Variants in DYSF observed in about 807,000 individuals in gnomAD.
DYSF encodes dystrophy-associated fer-1-like 1.
Under a neutral mutation model 274.9 loss-of-function variants are expected in DYSF, and 212 were observed. The ratio of observed to expected loss-of-function variants is 0.77; its 90% CI spans 0.69 to 0.86. The LOEUF is 0.86. DYSF is among the 40% of genes least tolerant of loss of function. The pLI is 0.00. For synonymous variants in DYSF, 1,091 were observed against 1,078.7 expected (o/e 1.01, Z -0.22); for missense variants, 2,666 against 2,783.2 (o/e 0.96, Z 0.95).
At chr2:71,654,317 A>G (rs1249167468) in intron 42 of DYSF, among the ~76,000 whole-genome samples, 1 of 152,224 alleles carries the variant, frequency 6.6e-6, no homozygotes, top group African/African-American at 2.4e-5. Flanking sequence ...ATATAAATCC[A>G]TACAATTTTT....
intron 3 of DYSF, among the ~76,000 whole-genome samples, chr2:71,501,947 G>C (rs762093374): frequency 6.6e-6 from 1 of 152,112 alleles, no homozygotes; most frequent in Non-Finnish European, 1.5e-5. Context: ...GCTAATTCTA[G>C]GTTTAATTTT....
intron 21 of DYSF, 135 bp from the exon 22 acceptor site, chr2:71,555,830 C>T: frequency 2.7e-6 from 2 of 746,970 alleles, no homozygotes. Context: ...TTTGTTGGGC[C>T]TGGACTCTGC....
At chr2:71,478,273 G>T (rs1181123056) in intron 1 of DYSF, among the ~76,000 whole-genome samples, 1 of 149,876 alleles carries the variant, frequency 6.7e-6, no homozygotes, top group Non-Finnish European at 1.5e-5. Context: ...GTGCAGTGGT[G>T]CCATCTCGGC....
intron 5 of DYSF, among the ~76,000 whole-genome samples, chr2:71,512,362 G>GT (rs1346472978): frequency 6.6e-6 from 1 of 152,290 alleles, no homozygotes; most frequent in South Asian, 2.1e-4. Context: ...AAAAGAACTA[G>GT]TTTTTTTTCT....
intron 41 of DYSF, 118 bp downstream of exon 41, chr2:71,620,727 G>C: frequency 1.8e-6 from 2 of 1,112,498 alleles, no homozygotes; most frequent in Non-Finnish European, 1.3e-6. Flanking sequence ...TATTTCCTGA[G>C]CCCTAGCAGG....
intron 17 of DYSF, among the ~76,000 whole-genome samples, chr2:71,546,080 C>T (rs1046094492): frequency 1.1e-4 from 16 of 152,364 alleles, no homozygotes; most frequent in East Asian, 3.9e-4. Flanking sequence ...TGATGACTCT[C>T]GGACTCTGCC....
intron 3 of DYSF, among the ~76,000 whole-genome samples, chr2:71,483,686 T>C (rs548572335): frequency 6.6e-6 from 1 of 152,306 alleles, no homozygotes; most frequent in Admixed American, 6.5e-5. Flanking sequence ...ACAAGACCTT[T>C]TCCCATCAGT....
At position 71,593,426 on chromosome 2, in the gene DYSF, C is replaced by T. The variant is rs114559487; in HGVS notation, c.3574+3138C>T. 3.8e-3 allele frequency among the ~76,000 whole-genome samples: 579 copies of T among 152,282 alleles called. 4 individuals are homozygous for T. Among genetic ancestry groups the T allele is most frequent in the African/African-American group, 0.013 (530 of 41,562 alleles). On this transcript the variant is annotated intron_variant, in intron 32 of 55. Coordinates refer to ENST00000410020, the MANE Select transcript of DYSF (RefSeq NM_001130987.2). ...GATTACAGGCGTGAGCCACTGTGCC[C>T]GGCCAGTTCAATGACTTCTTTTTGT...
rs140535942 is a variant in DYSF, at chr2:71,563,665, G to A, written c.2410-393G>A. 8.2e-3 allele frequency among the ~76,000 whole-genome samples: 1,251 copies of A among 152,274 alleles called. 20 individuals are homozygous for A. The highest frequency in any genetic ancestry group is 0.029 in the African/African-American group (1,194 of 41,542). ...GAGGAAGGCGGGTGGTGTCCTAGGC[G>A]TAATGTTACCTCCCTGGTCAAATCT... On this transcript the variant is annotated intron_variant, in intron 23 of 55. Coordinates refer to ENST00000410020, the MANE Select transcript of DYSF (RefSeq NM_001130987.2).
chr2:71,559,801 C>T (rs2091601898), intron 22 of DYSF, among the ~76,000 whole-genome samples: 1 of 152,246 alleles, frequency 6.6e-6, no homozygotes, highest in Admixed American at 6.5e-5. Context: ...CGTCTCTGTT[C>T]TGCGGACTTC....
chr2:71,669,568 T>C lies in DYSF; in HGVS notation c.5643-37T>C, dbSNP rs752037091. On this transcript the variant is annotated intron_variant, in intron 50 of 55. Transcript: ENST00000410020. ...CGATGTATATACTGTGTTGGAAATC[T>C]TAATGAGAACTATTCTCTAAAAACA... 1.9e-6 allele frequency: 3 copies of C among 1,614,024 alleles called. No individual in the cohort carries two copies. The Admixed American group carries it at 5.0e-5, about 27-fold the overall frequency.
intron 14 of DYSF, among the ~76,000 whole-genome samples, chr2:71,532,521 C>T (rs1321013641): frequency 6.6e-6 from 1 of 152,198 alleles, no homozygotes; most frequent in Admixed American, 6.5e-5. Context: ...GGAAGGCTGG[C>T]AGGGATCTCT....
intron 1 of DYSF, among the ~76,000 whole-genome samples, chr2:71,471,590 A>G (rs1171456306): frequency 6.6e-6 from 1 of 152,236 alleles, no homozygotes; most frequent in Non-Finnish European, 1.5e-5. Flanking sequence ...AGGTCAAGAA[A>G]TAGCACCTGG....
chr2:71,570,991 G>A (rs2092388993), intron 29 of DYSF: 3 of 516,262 alleles, frequency 5.8e-6, no homozygotes, highest in Non-Finnish European at 1.0e-5. Flanking sequence ...CCAGCACACA[G>A]ATCACACTGG....
intron 29 of DYSF, among the ~76,000 whole-genome samples, chr2:71,573,021 C>T (rs1191966675): frequency 6.6e-6 from 1 of 152,224 alleles, no homozygotes; most frequent in Non-Finnish European, 1.5e-5. Context: ...GTGCACTGCA[C>T]AGCCTCTGTG....
chr2:71,619,303 C>G (rs2094031851), intron 40 of DYSF, among the ~76,000 whole-genome samples: 2 of 152,082 alleles, frequency 1.3e-5, no homozygotes, highest in African/African-American at 4.8e-5. Context: ...GGCCAGCACC[C>G]CAGGGCCATC....
At chr2:71,545,561 G>A (rs941938134) in intron 17 of DYSF, among the ~76,000 whole-genome samples, 8 of 152,176 alleles carry the variant, frequency 5.3e-5, no homozygotes, top group African/African-American at 1.7e-4. Context: ...GGGTGGTAAT[G>A]CAGACAGAGG....
chr2:71,466,032 A>T (rs2081508344), upstream of DYSF, among the ~76,000 whole-genome samples: 1 of 152,022 alleles, frequency 6.6e-6, no homozygotes, highest in Admixed American at 6.6e-5. Flanking sequence ...GAGATGAGTG[A>T]CTCGACACCG....
chr2:71,656,436 GC>G, intron 43 of DYSF, 146 bp downstream of exon 43: 1 of 1,206,572 alleles, frequency 8.3e-7, no homozygotes, highest in South Asian at 1.2e-5. Flanking sequence ...TGATGGTGAT[GC>G]CGCTGACGCA....
Sources: gnomAD v4.1 joint callset for allele counts (sites outside exome capture counted in the v4.1 genomes callset) on GRCh38, gnomAD v4.1.1 for gene constraint, MANE v1.5 for transcripts, NCBI Gene and HGNC (gene_info 2026-07-23, HGNC 2026-07-21) for gene names.